CSMD1: variants seen among roughly 807,000 people sequenced by gnomAD.
The protein encoded by CSMD1 is CUB and Sushi multiple domains 1.
Under a neutral mutation model 417.5 loss-of-function variants are expected in CSMD1, and 213 were observed. The ratio of observed to expected loss-of-function variants is 0.51; its 90% CI spans 0.46 to 0.57. The LOEUF is 0.57. CSMD1 is among the 20% of genes least tolerant of loss of function. The pLI, the probability that CSMD1 is intolerant of heterozygous loss-of-function variation, is 0.00. For synonymous variants in CSMD1, 2,862 were observed against 1,736.8 expected, an observed-to-expected ratio of 1.65 and a Z score of -16.11; for missense variants, 6,923 against 4,529.7, an observed-to-expected ratio of 1.53 and a Z score of -15.17.
Position 3,673,251 on chromosome 8 carries a change from G to A in CSMD1, c.1009+35163C>T, listed in dbSNP as rs528939937. Reference sequence around the variant, plus strand: ...AAACATTTCCAAATTCGTTTCTATTGAACACATGCTCTTTGTCCTCTTTTT... The same window carrying A: ...AAACATTTCCAAATTCGTTTCTATTAAACACATGCTCTTTGTCCTCTTTTT... On this transcript the variant is annotated intron_variant, in intron 7 of 69. Transcript: ENST00000635120. 1.0e-3 allele frequency among the ~76,000 whole-genome samples: 154 copies of A among 152,202 alleles called. 2 individuals carry two copies. Among genetic ancestry groups the A allele is most frequent in the African/African-American group, 3.6e-3 (149 of 41,522 alleles).
In CSMD1 at chr8:3,396,148, C is replaced by T. The variant is rs368228909; in HGVS notation, c.2593+46G>A. ...ATAAGAACCCAGATCTTTAGTTCTC[C>T]CATGCATGCTGCCCTGCCGGGCTGT... On this transcript the variant is annotated intron_variant, in intron 17 of 69. Coordinates refer to ENST00000635120, the MANE Select transcript of CSMD1 (RefSeq NM_033225.6). 6.0e-6 allele frequency: 9 copies of T among 1,490,886 alleles called. No individual in the cohort carries two copies. The East Asian group carries it at 1.7e-4, about 29-fold the overall frequency. 92.4% of individuals were successfully genotyped at this position (1,490,886 alleles called of 1,614,324 possible).
chr8:3,126,702 T>C (rs1265413157), intron 41 of CSMD1, among the ~76,000 whole-genome samples: 1 of 152,186 alleles, frequency 6.6e-6, no homozygotes, highest in African/African-American at 2.4e-5. Context: ...CTAAGACATA[T>C]TTTCTGCCTA....
At chr8:4,641,223 C>T (rs1051850679) in intron 1 of CSMD1, among the ~76,000 whole-genome samples, 5 of 151,806 alleles carry the variant, frequency 3.3e-5, no homozygotes, top group Non-Finnish European at 7.4e-5. Flanking sequence ...AACAAACTTC[C>T]AAGAGAAAAC....
intron 3 of CSMD1, among the ~76,000 whole-genome samples, chr8:4,373,623 G>GA (rs1253018090): frequency 1.3e-5 from 2 of 152,132 alleles, no homozygotes; most frequent in Non-Finnish European, 2.9e-5. Context: ...GAACATAACT[G>GA]AAATTTCTTT....
chr8:4,662,905 C>G (rs1804689117), intron 1 of CSMD1, among the ~76,000 whole-genome samples: 1 of 151,814 alleles, frequency 6.6e-6, no homozygotes, highest in Non-Finnish European at 1.5e-5. Flanking sequence ...AGCCAAAAGA[C>G]AAAAAGAGAG....
At chr8:3,500,985 A>T (rs565129314) in intron 10 of CSMD1, among the ~76,000 whole-genome samples, 1 of 152,356 alleles carries the variant, frequency 6.6e-6, no homozygotes, top group South Asian at 2.1e-4. Context: ...ATTTTGCAGG[A>T]AAGAAATATT....
chr8:3,905,532 C>T (rs540132686), intron 5 of CSMD1, among the ~76,000 whole-genome samples: 3 of 152,242 alleles, frequency 2.0e-5, no homozygotes, highest in Non-Finnish European at 4.4e-5. Context: ...TCTCAACATT[C>T]AGCATGCATT....
At position 4,019,790 on chromosome 8, in the gene CSMD1, T is replaced by C. The variant is rs142144584; in HGVS notation, c.610+12115A>G. On this transcript the variant is annotated intron_variant, in intron 4 of 69. Coordinates refer to ENST00000635120, the MANE Select transcript of CSMD1 (RefSeq NM_033225.6). ...CCAAGTGGTGGTGTGTAAAATAAAG[T>C]GACCCACTGCCACACAGGCCTTTCT... Among the ~76,000 whole-genome samples, 984 of 152,248 alleles carry C rather than the reference T, an allele frequency of 6.5e-3. 15 individuals carry two copies. The highest frequency in any genetic ancestry group is 0.022 in the African/African-American group (924 of 41,540).
At chr8:4,563,991 C>T (rs1798470674) in intron 2 of CSMD1, among the ~76,000 whole-genome samples, 1 of 152,098 alleles carries the variant, frequency 6.6e-6, no homozygotes, top group African/African-American at 2.4e-5. Context: ...TGCAGATTCC[C>T]AGGAAAATGA....
At position 3,800,457 on chromosome 8, in the gene CSMD1, G is replaced by C. The variant is rs936186400; in HGVS notation, c.819-46415C>G. The stretch of plus-strand genomic sequence containing the variant: ...GTATAAATTCTACAAAAAGTGCTGG[G>C]ACAACTGGATATCCACATGCAAAAA... On this transcript the variant is annotated intron_variant, in intron 5 of 69. Coordinates refer to ENST00000635120, the MANE Select transcript of CSMD1 (RefSeq NM_033225.6). 1.3e-4 allele frequency among the ~76,000 whole-genome samples: 20 copies of C among 152,092 alleles called. 1 individual carries two copies. Among genetic ancestry groups the C allele is most frequent in the Non-Finnish European group, 8.8e-5 (6 of 68,024 alleles).
At chr8:4,522,874 T>C (rs1803545712) in intron 2 of CSMD1, among the ~76,000 whole-genome samples, 1 of 152,164 alleles carries the variant, frequency 6.6e-6, no homozygotes, top group Non-Finnish European at 1.5e-5. Flanking sequence ...CTACGTGTTC[T>C]CCAGGAGCTT....
At chr8:4,112,802 G>A (rs928558005) in intron 3 of CSMD1, among the ~76,000 whole-genome samples, 1 of 152,118 alleles carries the variant, frequency 6.6e-6, no homozygotes, top group African/African-American at 2.4e-5. Context: ...TATACACACA[G>A]ACATAACTTT....
intron 30 of CSMD1, among the ~76,000 whole-genome samples, chr8:3,213,570 G>T (rs1287102653): frequency 6.6e-6 from 1 of 151,848 alleles, no homozygotes; most frequent in African/African-American, 2.4e-5. Flanking sequence ...CATTCCTAAG[G>T]AATTACAAAC....
chr8:4,486,134 TA>T, intron 2 of CSMD1, among the ~76,000 whole-genome samples: 1 of 30,942 alleles, frequency 3.2e-5, no homozygotes, highest in South Asian at 8.8e-4. Flanking sequence ...TATATATATA[TA>T]TACATACATA....
intron 8 of CSMD1, 112 bp downstream of exon 8, chr8:3,616,598 A>C (rs556030893): frequency 5.8e-6 from 4 of 688,794 alleles, no homozygotes; most frequent in Non-Finnish European, 9.9e-6. Context: ...TTAATGATTA[A>C]GAAGTTTTAT....
intron 2 of CSMD1, among the ~76,000 whole-genome samples, chr8:4,469,674 G>A (rs1800409141): frequency 1.3e-5 from 2 of 152,142 alleles, no homozygotes; most frequent in African/African-American, 2.4e-5. Flanking sequence ...AACAGGCCCA[G>A]GGAACTCTTG....
chr8:3,206,423 G>T (rs574070870), intron 30 of CSMD1, among the ~76,000 whole-genome samples: 2 of 123,700 alleles, frequency 1.6e-5, no homozygotes, highest in East Asian at 5.3e-4. Context: ...GTGTGTGTAT[G>T]TGTGTGTGTG....
intron 1 of CSMD1, among the ~76,000 whole-genome samples, chr8:4,829,615 C>A (rs1040506534): frequency 6.6e-6 from 1 of 151,958 alleles, no homozygotes; most frequent in Non-Finnish European, 1.5e-5. Context: ...GTGGTCATGC[C>A]TGTGGTCCCA....
intron 41 of CSMD1, among the ~76,000 whole-genome samples, chr8:3,130,112 A>C (rs1328498901): frequency 6.6e-6 from 1 of 152,166 alleles, no homozygotes; most frequent in African/African-American, 2.4e-5. Context: ...ATGGCATATA[A>C]TTATGTTCTA....
Sources: allele counts gnomAD v4.1 joint callset (sites outside exome capture counted in the v4.1 genomes callset), GRCh38; gene constraint gnomAD v4.1.1; transcripts MANE v1.5; gene names NCBI Gene and HGNC (gene_info 2026-07-23, HGNC 2026-07-21).